The following DOCK2 variants were observed in gnomAD, a reference collection of about 807,000 sequenced individuals.
DOCK2 encodes the protein dedicator of cytokinesis protein 2.
In DOCK2, 87 loss-of-function variants were observed where a neutral mutation model predicts 248.9. That is an observed-to-expected ratio of 0.35 (90% CI 0.29 to 0.42). The LOEUF is 0.42. Among genes scored for constraint, DOCK2 ranks in the 10% least tolerant of loss-of-function variants. The pLI is 1.00. For synonymous variants in DOCK2, 805 were observed against 821.6 expected (o/e 0.98, Z 0.35); for missense variants, 1,747 against 2,300.2 (o/e 0.76, Z 4.92).
At chr5:169,741,803 A>ATTTTTTTTTT (rs33955559) in intron 22 of DOCK2, among the ~76,000 whole-genome samples, 2 of 82,420 alleles carry the variant, frequency 2.4e-5, no homozygotes, top group African/African-American at 4.9e-5. Context: ...ATCTTTTACT[A>ATTTTTTTTTT]TTTTTTTTTT....
At chr5:170,012,055 C>T (rs889601729) in intron 32 of DOCK2, among the ~76,000 whole-genome samples, 11 of 152,268 alleles carry the variant, frequency 7.2e-5, no homozygotes, top group South Asian at 4.1e-4. Flanking sequence ...AGTTGCCAGA[C>T]GAGGCCAAGA....
chr5:169,948,073 C>G (rs915622829), intron 27 of DOCK2, among the ~76,000 whole-genome samples: 1 of 152,010 alleles, frequency 6.6e-6, no homozygotes, highest in Admixed American at 6.5e-5. Flanking sequence ...TGTAAGGCAC[C>G]GAGAGAAGAG....
At chr5:169,919,268 G>A (rs1374326764) in intron 27 of DOCK2, among the ~76,000 whole-genome samples, 1 of 152,220 alleles carries the variant, frequency 6.6e-6, no homozygotes, top group African/African-American at 2.4e-5. Context: ...GGGCAGAGGT[G>A]GGGCCCAAAT....
chr5:169,690,074 G>A (rs1396361587), intron 9 of DOCK2, among the ~76,000 whole-genome samples: 1 of 137,434 alleles, frequency 7.3e-6, no homozygotes, highest in Admixed American at 7.4e-5. Context: ...TTTTTTTTGA[G>A]ATGGAGTCTC....
intron 1 of DOCK2, among the ~76,000 whole-genome samples, chr5:169,639,183 A>G (rs1201974019): frequency 6.6e-6 from 1 of 152,190 alleles, no homozygotes; most frequent in Non-Finnish European, 1.5e-5. Context: ...TTAGAATAGA[A>G]GGAAAATGGG....
chr5:170,058,063 G>A (rs1188245854), intron 44 of DOCK2, among the ~76,000 whole-genome samples: 1 of 152,124 alleles, frequency 6.6e-6, no homozygotes, highest in Admixed American at 6.5e-5. Flanking sequence ...CCATTTTATA[G>A]TTGGAAAAAC....
chr5:169,904,504 G>C (rs1441889915), intron 27 of DOCK2, among the ~76,000 whole-genome samples: 1 of 152,124 alleles, frequency 6.6e-6, no homozygotes, highest in Non-Finnish European at 1.5e-5. Flanking sequence ...ACAGGCAGGG[G>C]AGGGCCTGAG....
chr5:169,685,666 T>G (rs1228074341), intron 8 of DOCK2, among the ~76,000 whole-genome samples: 2 of 152,192 alleles, frequency 1.3e-5, no homozygotes, highest in African/African-American at 4.8e-5. Context: ...GCCTGAGGAA[T>G]AGTGGTGCTT....
chr5:169,835,520 G>T (rs937893852), intron 26 of DOCK2, among the ~76,000 whole-genome samples: 5 of 152,124 alleles, frequency 3.3e-5, no homozygotes, highest in African/African-American at 1.2e-4. Context: ...CTCCCAAAGT[G>T]CTGGGATTAC....
chr5:169,727,913 G>A (rs924501303), intron 22 of DOCK2, among the ~76,000 whole-genome samples: 5 of 152,212 alleles, frequency 3.3e-5, no homozygotes, highest in African/African-American at 7.2e-5. Context: ...GGGGAAGAAA[G>A]GTTAGTTCGT....
rs1758912169 is a variant in DOCK2 at position 169,669,345 on chromosome 5, T to C, written c.168+17T>C. 6.2e-7 allele frequency: 1 copy of C among 1,613,946 alleles called. No individual in the cohort carries two copies. Among genetic ancestry groups the C allele is most frequent in the African/African-American group, 1.3e-5 (1 of 74,914 alleles). The stretch of plus-strand genomic sequence containing the variant: ...ATGTTACAGGTAAGGTCACCTGGTT[T>C]TTATTTGTGTCAGTACTGGAGGTCT... On this transcript the variant is annotated intron_variant, in intron 3 of 51. Coordinates refer to ENST00000520908, the MANE Select transcript of DOCK2 (RefSeq NM_004946.3).
intron 26 of DOCK2, among the ~76,000 whole-genome samples, chr5:169,806,657 T>C (rs1767380869): frequency 6.6e-6 from 1 of 152,238 alleles, no homozygotes; most frequent in African/African-American, 2.4e-5. Flanking sequence ...TACCTTTTCC[T>C]AATTGGTTTT....
chr5:169,689,932 C>T (rs1020898637), intron 9 of DOCK2, among the ~76,000 whole-genome samples: 7 of 152,000 alleles, frequency 4.6e-5, no homozygotes, highest in African/African-American at 1.5e-4. Context: ...TTTCTGAGAG[C>T]GAAGCTGGCT....
chr5:169,648,498 G>A (rs1757608790), intron 1 of DOCK2, among the ~76,000 whole-genome samples: 2 of 152,294 alleles, frequency 1.3e-5, no homozygotes, highest in African/African-American at 4.8e-5. Context: ...GATCCAGCAA[G>A]AGGCCTAAAG....
rs553311402 is a variant in DOCK2 at position 169,813,074 on chromosome 5, G to A, written c.2703+9868G>A. ...TTCCTGTCCTTTCAGGGGCTCCTGC[G>A]GGGAATTCCAGAACTTCAGGGCTCC... On this transcript the variant is annotated intron_variant, in intron 26 of 51. Coordinates refer to ENST00000520908, the MANE Select transcript of DOCK2 (RefSeq NM_004946.3). Among the ~76,000 whole-genome samples, 262 of 152,330 alleles carry A rather than the reference G, an allele frequency of 1.7e-3. 1 individual carries two copies. The highest frequency in any genetic ancestry group is 4.8e-3 in the South Asian group (23 of 4,822).
At chr5:169,913,649 G>A (rs1479521008) in intron 27 of DOCK2, among the ~76,000 whole-genome samples, 1 of 152,168 alleles carries the variant, frequency 6.6e-6, no homozygotes, top group Non-Finnish European at 1.5e-5. Flanking sequence ...TGCAGCTTAT[G>A]AGCAGAGCTA....
intron 27 of DOCK2, among the ~76,000 whole-genome samples, chr5:169,963,343 G>A (rs1036741183): frequency 1.5e-4 from 23 of 152,160 alleles, no homozygotes; most frequent in Admixed American, 1.3e-3. Context: ...GGCATTGACA[G>A]GAACTCAATC....
At chr5:169,692,012 C>T (rs548904926) in intron 9 of DOCK2, among the ~76,000 whole-genome samples, 58 of 152,070 alleles carry the variant, frequency 3.8e-4, no homozygotes, top group African/African-American at 3.4e-4. Flanking sequence ...CATGCTACCA[C>T]GCCCCACTAA....
intron 9 of DOCK2, among the ~76,000 whole-genome samples, chr5:169,690,852 C>T (rs527578379): frequency 6.6e-5 from 10 of 152,304 alleles, no homozygotes; most frequent in South Asian, 2.1e-4. Context: ...GCCACACCTC[C>T]GCTCCTCAGA....
Sources: gnomAD v4.1 joint callset for allele counts (sites outside exome capture counted in the v4.1 genomes callset) on GRCh38, gnomAD v4.1.1 for gene constraint, MANE v1.5 for transcripts, NCBI Gene and HGNC (gene_info 2026-07-23, HGNC 2026-07-21) for gene names.